Variants in TRAPPC12 observed in about 807,000 individuals in gnomAD.
TRAPPC12 encodes the protein trafficking protein particle complex subunit 12, also known as TPR repeat protein 15.
Under a neutral mutation model 69.2 loss-of-function variants are expected in TRAPPC12, and 61 were observed. That is an observed-to-expected ratio of 0.88 (90% CI 0.72 to 1.09). The LOEUF (loss-of-function observed/expected upper bound fraction) is 1.09, where lower values mean the gene tolerates loss of function less well. Ranked by LOEUF, TRAPPC12 falls within the 50% of genes least tolerant of loss-of-function variation. The pLI is 0.00. For synonymous variants in TRAPPC12, 469 were observed against 438.9 expected (o/e 1.07, Z -0.86); for missense variants, 1,101 against 1,016.4 (o/e 1.08, Z -1.13).
intron 9 of TRAPPC12, among the ~76,000 whole-genome samples, chr2:3,474,187 C>G (rs2103171562): frequency 6.6e-6 from 1 of 152,290 alleles, no homozygotes; most frequent in Non-Finnish European, 1.5e-5. Context: ...TCTAGAGGGA[C>G]AGGACTCATA....
rs561332856 is a variant in TRAPPC12, at chr2:3,415,923, A to C, written c.1165-5958A>C. Among the ~76,000 whole-genome samples the C allele has an allele frequency of 3.8e-3, 576 of 151,332 alleles. 2 individuals carry two copies. Among genetic ancestry groups the C allele is most frequent in the Admixed American group, 9.3e-3 (142 of 15,232 alleles). ...AGTAGAGGCGGGGTTTCACCGTGTTAGCCAGGATGGTCTCGATCTCCTGAC... is the reference window on the plus strand; with the variant it reads ...AGTAGAGGCGGGGTTTCACCGTGTTCGCCAGGATGGTCTCGATCTCCTGAC... On this transcript the variant is annotated intron_variant, in intron 3 of 11. Coordinates refer to ENST00000324266, the MANE Select transcript of TRAPPC12 (RefSeq NM_016030.6).
intron 3 of TRAPPC12, among the ~76,000 whole-genome samples, chr2:3,418,188 A>G (rs12991817): frequency 3.0e-5 from 4 of 133,244 alleles, no homozygotes; most frequent in East Asian, 4.6e-4. Flanking sequence ...TGGGAAAACC[A>G]TATCTCTACA....
intron 5 of TRAPPC12, among the ~76,000 whole-genome samples, chr2:3,442,116 G>A (rs1166046766): frequency 1.1e-5 from 1 of 91,244 alleles, no homozygotes; most frequent in Non-Finnish European, 2.4e-5. Context: ...CAGCTAGTCT[G>A]TACGTTGAGA....
chr2:3,439,484 A>G (rs73131578), intron 5 of TRAPPC12, among the ~76,000 whole-genome samples: 4,015 of 152,162 alleles, frequency 0.026, 165 homozygotes, highest in African/African-American at 0.091. Flanking sequence ...AAAAAAAGCG[A>G]TCAGCTCGCC....
intron 1 of TRAPPC12, among the ~76,000 whole-genome samples, chr2:3,383,568 G>A (rs937876072): frequency 6.6e-6 from 1 of 151,680 alleles, no homozygotes; most frequent in Non-Finnish European, 1.5e-5. Flanking sequence ...CACCACACCT[G>A]GCTAATTTTT....
chr2:3,391,797 A>G (rs912885625), intron 2 of TRAPPC12, among the ~76,000 whole-genome samples: 2 of 151,308 alleles, frequency 1.3e-5, no homozygotes, highest in African/African-American at 4.9e-5. Flanking sequence ...TGTCCCCCCA[A>G]GATGGCTTTC....
At chr2:3,464,420 T>G (rs909495238) in intron 8 of TRAPPC12, among the ~76,000 whole-genome samples, 15 of 152,352 alleles carry the variant, frequency 9.8e-5, no homozygotes, top group African/African-American at 3.6e-4. Flanking sequence ...TTGTCTGTCT[T>G]TCTTTGTAAC....
chr2:3,457,529 AGAAATTT>A (rs1665223247), intron 6 of TRAPPC12, 85 bp from the exon 7 acceptor site: 1 of 949,544 alleles, frequency 1.1e-6, no homozygotes, highest in African/African-American at 1.6e-5. Flanking sequence ...TTTCATCCAG[AGAAATTT>A]GCTGTACTGA....
intron 5 of TRAPPC12, among the ~76,000 whole-genome samples, chr2:3,426,794 G>A (rs959828281): frequency 5.4e-4 from 82 of 152,318 alleles, no homozygotes; most frequent in African/African-American, 1.7e-3. Context: ...TCTCGTCTAC[G>A]TCCCTCCCAA....
At position 3,478,890 on chromosome 2, in the gene TRAPPC12, G is replaced by C. The variant is rs1666417918; in HGVS notation, c.1922G>C (p.Arg641Thr). The change falls in exon 11 of 12, where the codon AGG (arginine) becomes ACG (threonine). Residue 641 changes from arginine (R) to threonine (T), a missense_variant. Arg to Thr is a moderately conservative substitution (Grantham distance 71). Transcript: ENST00000324266. ...LGQNNFAEAH[R>T]FFTEILRMDP... ...CAGAATAACTTTGCAGAAGCCCACA[G>C]GTTCTTCACAGAGATCTTAAGGATG... The C allele has an allele frequency of 6.2e-7, 1 of 1,614,170 alleles. No homozygotes were observed. The highest frequency in any genetic ancestry group is 2.2e-5 in the East Asian group (1 of 44,876).
chr2:3,466,251 C>G (rs990272386), intron 9 of TRAPPC12: 3 of 470,946 alleles, frequency 6.4e-6, no homozygotes, highest in Non-Finnish European at 1.3e-5. Context: ...CCCACCCTTG[C>G]AGGCGGAGCA....
chr2:3,447,509 A>G (rs998048532), intron 6 of TRAPPC12, among the ~76,000 whole-genome samples: 2 of 152,032 alleles, frequency 1.3e-5, no homozygotes, highest in African/African-American at 2.4e-5. Context: ...TTTTTTGACA[A>G]TCAGATCCCA....
intron 5 of TRAPPC12, among the ~76,000 whole-genome samples, chr2:3,433,113 G>A (rs1322249653): frequency 6.6e-6 from 1 of 152,180 alleles, no homozygotes; most frequent in African/African-American, 2.4e-5. Context: ...AGCTGTAAGT[G>A]TGACACTGTG....
At chr2:3,452,668 C>A (rs533168549) in intron 6 of TRAPPC12, among the ~76,000 whole-genome samples, 70 of 152,342 alleles carry the variant, frequency 4.6e-4, no homozygotes, top group Admixed American at 3.3e-3. Flanking sequence ...AACTGCCCAG[C>A]AGCCAAACCT....
chr2:3,460,571 A>C (rs1208551210), intron 8 of TRAPPC12: 1 of 466,832 alleles, frequency 2.1e-6, no homozygotes, highest in Non-Finnish European at 3.8e-6. Flanking sequence ...TTCATTATTG[A>C]AATGTGGGTC....
At chr2:3,443,579 G>A (rs1558387267) in intron 5 of TRAPPC12, 200 bp from the exon 6 acceptor site, 1 of 597,456 alleles carries the variant, frequency 1.7e-6, no homozygotes, top group East Asian at 2.8e-5. Flanking sequence ...TCTGATAATT[G>A]TCGAGACATA....
At chr2:3,404,098 C>G (rs1490362700) in intron 3 of TRAPPC12, among the ~76,000 whole-genome samples, 1 of 152,140 alleles carries the variant, frequency 6.6e-6, no homozygotes, top group Admixed American at 6.5e-5. Flanking sequence ...CTACGCTGAC[C>G]GGGCCACCTG....
chr2:3,448,863 G>C (rs1232210592), intron 6 of TRAPPC12, among the ~76,000 whole-genome samples: 1 of 151,960 alleles, frequency 6.6e-6, no homozygotes, highest in Non-Finnish European at 1.5e-5. Context: ...CGGATTCTTA[G>C]GGGGCCGACT....
At chr2:3,409,323 G>A (rs1172625330) in intron 3 of TRAPPC12, among the ~76,000 whole-genome samples, 1 of 152,126 alleles carries the variant, frequency 6.6e-6, no homozygotes, top group Non-Finnish European at 1.5e-5. Flanking sequence ...AAGTAAACTG[G>A]AACTATAGAC....
Sources: allele counts gnomAD v4.1 joint callset (sites outside exome capture counted in the v4.1 genomes callset), GRCh38; gene constraint gnomAD v4.1.1; transcripts MANE v1.5; gene names NCBI Gene and HGNC (gene_info 2026-07-23, HGNC 2026-07-21).